The following MBNL3 variants were observed in gnomAD, a reference collection of about 807,000 sequenced individuals.
MBNL3 encodes muscleblind like splicing regulator 3, also known as muscleblind-like protein 3.
A neutral mutation model predicts 24.5 loss-of-function variants in MBNL3; 6 were observed. The ratio of observed to expected loss-of-function variants is 0.25; its 90% CI spans 0.13 to 0.48. The LOEUF (loss-of-function observed/expected upper bound fraction) is 0.48. Among genes scored for constraint, MBNL3 ranks in the 20% least tolerant of loss-of-function variants. The pLI, the probability that MBNL3 is intolerant of heterozygous loss-of-function variation, is 0.99. For missense variants in MBNL3, 230 were observed against 293.5 expected (o/e 0.78, Z 1.58); for synonymous variants, 100 against 101.7 (o/e 0.98, Z 0.10).
intron 2 of MBNL3, among the ~76,000 whole-genome samples, chrX:132,427,043 G>A (rs1237921627): frequency 1.8e-5 from 2 of 111,644 alleles, no homozygotes; most frequent in African/African-American, 6.5e-5. Context: ...CTCATATGAA[G>A]AGAAACAGAG....
At chrX:132,465,509 T>A (rs949266268) in intron 1 of MBNL3, among the ~76,000 whole-genome samples, 3 of 112,320 alleles carry the variant, frequency 2.7e-5, no homozygotes, top group African/African-American at 9.7e-5. Flanking sequence ...ATAAGCAAAG[T>A]ATTATTGATA....
chrX:132,420,304 C>A (rs1943680401), intron 2 of MBNL3, among the ~76,000 whole-genome samples: 1 of 112,072 alleles, frequency 8.9e-6, no homozygotes, highest in South Asian at 3.7e-4. Context: ...AGCAGACACC[C>A]TGCCGGATCT....
intron 1 of MBNL3, among the ~76,000 whole-genome samples, chrX:132,446,016 A>G (rs1569453643): frequency 1.8e-5 from 2 of 110,097 alleles, no homozygotes; most frequent in Non-Finnish European, 3.8e-5. Flanking sequence ...TCATTGTTCA[A>G]CTCCCACTTA....
intron 1 of MBNL3, among the ~76,000 whole-genome samples, chrX:132,469,773 GTAT>G (rs1947080532): frequency 9.0e-6 from 1 of 111,327 alleles, no homozygotes; most frequent in African/African-American, 3.3e-5. Context: ...GTGATTTTTA[GTAT>G]TATTTAATAA....
Position 132,375,321 on chromosome X carries a change from G to A in MBNL3, c.*4345C>T, listed in dbSNP as rs1934033466. On this transcript the variant is annotated 3_prime_UTR_variant, in exon 9 of 9. Coordinates refer to ENST00000370853, the MANE Select transcript of MBNL3 (RefSeq NM_001386889.1). Reference sequence around the variant, plus strand: ...TAAATTTGTTCTTAAATTGTGAACTGTAAAGGATAGTTTTGGACTATAATC... The same window carrying A: ...TAAATTTGTTCTTAAATTGTGAACTATAAAGGATAGTTTTGGACTATAATC... 9.0e-6 allele frequency: 1 copy of A among 111,450 alleles called. No homozygotes were observed. Among genetic ancestry groups the A allele is most frequent in the South Asian group, 3.7e-4 (1 of 2,684 alleles). The allele number at this position is 111,450 out of a possible 1,213,427, so 9.2% of individuals were successfully genotyped here. A position where few individuals can be genotyped will look rare whatever the true frequency, so the allele number is the denominator to read the frequency against.
At chrX:132,434,209 T>C (rs1944970866) in intron 2 of MBNL3, among the ~76,000 whole-genome samples, 1 of 112,235 alleles carries the variant, frequency 8.9e-6, no homozygotes, top group Non-Finnish European at 1.9e-5. Flanking sequence ...GGCACACACA[T>C]ATCACATCAC....
intron 1 of MBNL3, among the ~76,000 whole-genome samples, chrX:132,449,977 GCCCCCCC>G (rs59387058): frequency 3.9e-5 from 1 of 25,458 alleles, no homozygotes; most frequent in African/African-American, 1.4e-4. Context: ...GCTGAATATT[GCCCCCCC>G]CCCCCCCCCG....
In MBNL3 at chrX:132,392,331, A is replaced by C. The variant is rs200246099; in HGVS notation, c.346T>G (p.Ser116Ala). 39 of 1,189,268 alleles carry C rather than the reference A, an allele frequency of 3.3e-5. No individual in the cohort carries two copies. The highest frequency in any genetic ancestry group is 4.4e-5 in the Non-Finnish European group (39 of 883,852). Residue 116 changes from serine (S) to alanine (A), a missense_variant, in exon 4 of 9, where the codon TCT becomes GCT. By Grantham distance (99) the Ser-to-Ala change is moderately conservative (BLOSUM62 1). Transcript: ENST00000370853. ...GGAATTGATGGAGTCATAGGAAAAG[A>C]ACCCTGTATGTTTAAAAGAGAAAAA... ...LQNAQMSSLG[S>A]FPMTPSIPAN...
At chrX:132,444,006 A>ACCCC in intron 1 of MBNL3, among the ~76,000 whole-genome samples, 1 of 9,883 alleles carries the variant, frequency 1.0e-4, no homozygotes, top group Non-Finnish European at 1.8e-4. Flanking sequence ...CCCCCCCCCC[A>ACCCC]CCTACTTAAC....
chrX:132,428,340 A>C (rs1020444637), intron 2 of MBNL3, among the ~76,000 whole-genome samples: 1 of 110,979 alleles, frequency 9.0e-6, no homozygotes, highest in African/African-American at 3.3e-5. Context: ...AAACAAATGG[A>C]ATTGTTTACT....
rs1945326058 is a variant in MBNL3 at position 132,440,290 on chromosome X, T to G, written c.-679A>C. ...TAGAGTAGAATCCAAGCAGCAGAGT[T>G]TTCAGAAAAGGCACTTTTCAGAACC... On this transcript the variant is annotated 5_prime_UTR_variant, in exon 2 of 9. Transcript: ENST00000370853. Among the ~76,000 whole-genome samples, 1 of 110,586 alleles carries G rather than the reference T, an allele frequency of 9.0e-6. No homozygotes were observed. Among genetic ancestry groups the G allele is most frequent in the South Asian group, 3.8e-4 (1 of 2,612 alleles).
chrX:132,408,765 TA>T (rs890161200), intron 2 of MBNL3, among the ~76,000 whole-genome samples: 12 of 112,226 alleles, frequency 1.1e-4, no homozygotes, highest in Non-Finnish European at 2.1e-4. Flanking sequence ...AATTACACTT[TA>T]AAAAATTATA....
intron 2 of MBNL3, chrX:132,413,645 G>A: frequency 9.5e-7 from 1 of 1,047,337 alleles, no homozygotes; most frequent in Admixed American, 3.9e-5. Context: ...TTGATCCATA[G>A]CTCCTCCCAC....
At position 132,378,051 on chromosome X, in the gene MBNL3, C is replaced by G. The variant is rs1404094287; in HGVS notation, c.*1615G>C. ...TCAGCTGAGCTCTGTGGAGTATAGC[C>G]ACTCTGTCTCATTCAAAGGGTGATA... On this transcript the variant is annotated 3_prime_UTR_variant, in exon 9 of 9. Transcript: ENST00000370853. 9.1e-6 allele frequency: 1 copy of G among 109,689 alleles called. No homozygotes were observed. Among genetic ancestry groups the G allele is most frequent in the Admixed American group, 9.8e-5 (1 of 10,201 alleles). 9.0% of individuals were successfully genotyped at this position (109,689 alleles called of 1,213,427 possible).
In MBNL3 at chrX:132,476,894, C is replaced by A. The variant is rs1947469452; in HGVS notation, c.-704+11957G>T. 5.4e-5 allele frequency among the ~76,000 whole-genome samples: 6 copies of A among 111,580 alleles called. No homozygotes were observed. The Admixed American group carries it at 5.7e-4, about 11-fold the overall frequency. On this transcript the variant is annotated intron_variant, in intron 1 of 8. Transcript: ENST00000370853. Reference sequence around the variant, plus strand: ...ACAGTCAACTACATGCTTGTTACAGCTGAAAATCCTGAATAACTCACACTC... The same window carrying A: ...ACAGTCAACTACATGCTTGTTACAGATGAAAATCCTGAATAACTCACACTC...
intron 2 of MBNL3, among the ~76,000 whole-genome samples, chrX:132,420,419 G>C (rs1943697948): frequency 9.0e-6 from 1 of 111,047 alleles, no homozygotes; most frequent in African/African-American, 3.3e-5. Context: ...CCAGAAGAGT[G>C]TGCAGTAGCA....
intron 1 of MBNL3, among the ~76,000 whole-genome samples, chrX:132,469,169 A>G (rs1213639328): frequency 8.9e-6 from 1 of 112,322 alleles, no homozygotes; most frequent in Non-Finnish European, 1.9e-5. Flanking sequence ...ACACAGAACT[A>G]TACGCAGGGT....
chrX:132,482,545 C>T (rs749454334), intron 1 of MBNL3, among the ~76,000 whole-genome samples: 10 of 111,125 alleles, frequency 9.0e-5, no homozygotes, highest in Non-Finnish European at 5.7e-5. Flanking sequence ...ACTGCTCATA[C>T]TGGTCTCCTC....
chrX:132,441,946 A>G (rs976657512), intron 1 of MBNL3, among the ~76,000 whole-genome samples: 1 of 111,920 alleles, frequency 8.9e-6, no homozygotes, highest in African/African-American at 3.3e-5. Context: ...GCATGCTACC[A>G]GAAGGTTGAA....
Sources: allele counts gnomAD v4.1 joint callset (sites outside exome capture counted in the v4.1 genomes callset), GRCh38; gene constraint gnomAD v4.1.1; transcripts MANE v1.5; gene names NCBI Gene and HGNC (gene_info 2026-07-23, HGNC 2026-07-21).